Variants in COBL observed in about 807,000 individuals in gnomAD.
The protein encoded by COBL is cordon-bleu WH2 repeat protein, also known as protein cordon-bleu.
In COBL, 51 loss-of-function variants were observed where a neutral mutation model predicts 98.8. The ratio of observed to expected loss-of-function variants is 0.52; its 90% CI spans 0.41 to 0.65. The LOEUF is 0.65. Ranked by LOEUF, COBL falls within the 30% of genes least tolerant of loss-of-function variation. COBL has a pLI of 0.00. For missense variants in COBL, 1,617 were observed against 1,617.5 expected (o/e 1.00, Z 0.01); for synonymous variants, 634 against 651.7 (o/e 0.97, Z 0.41).
chr7:51,040,267 A>AC (rs1789050579), intron 8 of COBL, among the ~76,000 whole-genome samples: 1 of 150,122 alleles, frequency 6.7e-6, no homozygotes, highest in African/African-American at 2.4e-5. Context: ...TCCCCTCAAA[A>AC]ACACACACAC....
Position 51,043,388 on chromosome 7 carries a change from A to G in COBL, c.1401T>C (p.His467=). The part of the protein sequence containing the change: ...LWEKNGSENS[H]LRTEKAVTAS... ...CCATCCTTCCCGTGACTCACCTCAG[A>G]TGTGAGTTCTCAGAGCCATTCTTCT... is the stretch of plus-strand genomic sequence containing the variant. Residue 467 remains histidine (H), a synonymous_variant, in exon 8 of 13, where the codon CAT becomes CAC. Transcript: ENST00000265136. 6.2e-7 allele frequency: 1 copy of G among 1,613,940 alleles called. No individual in the cohort carries two copies. Among genetic ancestry groups the G allele is most frequent in the East Asian group, 2.2e-5 (1 of 44,870 alleles).
At chr7:51,075,169 T>C (rs1792948740) in intron 7 of COBL, among the ~76,000 whole-genome samples, 2 of 152,248 alleles carry the variant, frequency 1.3e-5, no homozygotes, top group African/African-American at 4.8e-5. Context: ...TTTTTTCTGC[T>C]ATTCACAATG....
chr7:51,227,282 C>T (rs774311186), intron 1 of COBL, among the ~76,000 whole-genome samples: 7 of 152,068 alleles, frequency 4.6e-5, no homozygotes, highest in East Asian at 1.9e-4. Context: ...CAAGGTTCCA[C>T]GAGGCTCAGA....
intron 6 of COBL, among the ~76,000 whole-genome samples, chr7:51,113,614 T>G (rs1028482689): frequency 8.5e-5 from 13 of 152,240 alleles, no homozygotes; most frequent in Admixed American, 7.8e-4. Flanking sequence ...TCTTTTATTA[T>G]AATTATTTCT....
chr7:51,121,280 T>C (rs568614517), intron 6 of COBL, among the ~76,000 whole-genome samples: 2 of 152,386 alleles, frequency 1.3e-5, no homozygotes, highest in Non-Finnish European at 2.9e-5. Flanking sequence ...TTAGTGATGC[T>C]GAGCATCTTT....
chr7:51,129,304 G>T (rs568527709), intron 6 of COBL, among the ~76,000 whole-genome samples: 1 of 151,728 alleles, frequency 6.6e-6, no homozygotes, highest in African/African-American at 2.4e-5. Context: ...CTTGCTTTGC[G>T]CTCACATGGT....
At chr7:51,058,297 C>T (rs1748914029) in intron 7 of COBL, among the ~76,000 whole-genome samples, 1 of 152,090 alleles carries the variant, frequency 6.6e-6, no homozygotes, top group African/African-American at 2.4e-5. Context: ...TCTGTAATCC[C>T]AGCACTTTGG....
chr7:51,219,748 T>C lies in COBL; in HGVS notation c.238A>G (p.Asn80Asp). 6.2e-7 allele frequency: 1 copy of C among 1,613,748 alleles called. No homozygotes were observed. The highest frequency in any genetic ancestry group is 8.5e-7 in the Non-Finnish European group (1 of 1,179,834). ...TGCAGCACCGGCTCTCACCTCCCAT[T>C]GAGCACGCTCCTCTTCTCCAGCCCA... ...PSGLEKRSVL[N>D]GSHAMMDLLV... Residue 80 changes from asparagine (N) to aspartate (D), a missense_variant, in exon 2 of 13, where the codon AAT becomes GAT. By Grantham distance (23) the Asn-to-Asp change is conservative. This residue lies in a region of COBL where 238 missense variants were observed against 215.0 expected (regional missense o/e 1.11). Transcript: ENST00000265136.
intron 5 of COBL, among the ~76,000 whole-genome samples, chr7:51,145,412 C>G (rs1449538878): frequency 1.3e-5 from 2 of 149,378 alleles, no homozygotes; most frequent in East Asian, 3.9e-4. Context: ...TGGAGTGTCA[C>G]TCCTGTCGCC....
intron 1 of COBL, among the ~76,000 whole-genome samples, chr7:51,253,547 TTTTG>T (rs1796932987): frequency 6.6e-6 from 1 of 152,250 alleles, no homozygotes; most frequent in Non-Finnish European, 1.5e-5. Context: ...TTGCTATTTA[TTTTG>T]TATTTCTAAT....
chr7:51,244,304 T>G (rs1796087161), intron 1 of COBL, among the ~76,000 whole-genome samples: 1 of 152,192 alleles, frequency 6.6e-6, no homozygotes, highest in Admixed American at 6.5e-5. Context: ...ATGACTGTAG[T>G]GGGTATTTGC....
intron 1 of COBL, among the ~76,000 whole-genome samples, chr7:51,227,574 T>A (rs1794329208): frequency 6.6e-6 from 1 of 152,094 alleles, no homozygotes; most frequent in African/African-American, 2.4e-5. Flanking sequence ...CTAGAAAAGA[T>A]CCCAGCTCTG....
At chr7:51,025,999 C>T (rs1343578300) in intron 11 of COBL, among the ~76,000 whole-genome samples, 3 of 152,216 alleles carry the variant, frequency 2.0e-5, no homozygotes, top group Non-Finnish European at 4.4e-5. Context: ...AGAGGCTGGA[C>T]ACATACATCC....
intron 1 of COBL, among the ~76,000 whole-genome samples, chr7:51,232,956 TAAGGCATTA>T (rs1794906310): frequency 6.6e-6 from 1 of 152,186 alleles, no homozygotes; most frequent in Non-Finnish European, 1.5e-5. Context: ...GTTTAATGAT[TAAGGCATTA>T]AATCGTAGAT....
chr7:51,230,801 G>C (rs1421186472), intron 1 of COBL, among the ~76,000 whole-genome samples: 3 of 152,178 alleles, frequency 2.0e-5, no homozygotes, highest in African/African-American at 7.2e-5. Context: ...CCCACATCGT[G>C]GTTACTTGAA....
intron 2 of COBL, among the ~76,000 whole-genome samples, chr7:51,196,146 G>T (rs900886609): frequency 6.6e-6 from 1 of 152,026 alleles, no homozygotes; most frequent in African/African-American, 2.4e-5. Flanking sequence ...GTCATATATG[G>T]CTCTTATTAT....
chr7:51,283,205 G>T (rs1469404253), intron 1 of COBL, among the ~76,000 whole-genome samples: 2 of 152,018 alleles, frequency 1.3e-5, no homozygotes, highest in Non-Finnish European at 2.9e-5. Flanking sequence ...GACCACAAAA[G>T]ATTTTTTATA....
At chr7:51,218,725 C>T (rs1793336379) in intron 2 of COBL, among the ~76,000 whole-genome samples, 1 of 152,204 alleles carries the variant, frequency 6.6e-6, no homozygotes, top group Admixed American at 6.5e-5. Flanking sequence ...ATTCGCCTGC[C>T]TCAGCCTCCC....
At position 51,293,524 on chromosome 7, in the gene COBL, C is replaced by T. The variant is rs936100732; in HGVS notation, c.41+23069G>A. Among the ~76,000 whole-genome samples, 6 of 152,178 alleles carry T rather than the reference C, an allele frequency of 3.9e-5. No individual in the cohort carries two copies. In the East Asian group the frequency reaches 7.7e-4, roughly 20 times the overall value. ...AAACAGATCAATGGTGGTTGAGGGG[C>T]GCAGGAGAGGGAGGAATGGATTGCA... On this transcript the variant is annotated intron_variant, in intron 1 of 12. Transcript: ENST00000265136.
Sources: allele counts gnomAD v4.1 joint callset (sites outside exome capture counted in the v4.1 genomes callset), GRCh38; gene constraint gnomAD v4.1.1; regional missense constraint gnomAD v4.1.1; transcripts MANE v1.5; gene names NCBI Gene and HGNC (gene_info 2026-07-23, HGNC 2026-07-21).